Variants in PTTG1IP observed in about 807,000 individuals in gnomAD.
PTTG1IP encodes the protein pituitary tumor-transforming gene 1 protein-interacting protein.
Under a neutral mutation model 24.4 loss-of-function variants are expected in PTTG1IP, and 16 were observed. The observed-to-expected ratio is 0.66, with a 90% CI of 0.44 to 1.00. The LOEUF (loss-of-function observed/expected upper bound fraction) is 1.00, where lower values mean the gene tolerates loss of function less well. Ranked by LOEUF, PTTG1IP falls within the 50% of genes least tolerant of loss-of-function variation. The probability of loss-of-function intolerance (pLI) is 0.00; values close to 1 mark genes in which losing one functional copy is unlikely to be tolerated. For missense variants in PTTG1IP, 241 were observed against 245.8 expected (o/e 0.98, Z 0.13); for synonymous variants, 89 against 96.8 (o/e 0.92, Z 0.47).
chr21:44,856,223 C>G lies in PTTG1IP; in HGVS notation c.419G>C (p.Arg140Pro). ...CTCCTGCCGTATCCGCCTCTCCTCC[C>G]GCTCACGCATGGCCTTCTCCTCACT... Reference protein sequence around the residue: ...DRSEEKAMREREERRIRQEER... With the variant: ...DRSEEKAMREPEERRIRQEER... The change falls in exon 4 of 6, where the codon CGG becomes CCG. Residue 140 changes from arginine to proline, a missense_variant. Coordinates refer to ENST00000330938, the MANE Select transcript of PTTG1IP (RefSeq NM_004339.4). 6.2e-7 allele frequency: 1 copy of G among 1,614,176 alleles called. No homozygotes were observed. The highest frequency in any genetic ancestry group is 8.5e-7 in the Non-Finnish European group (1 of 1,180,018).
In PTTG1IP at chr21:44,861,174, C is replaced by T. The variant is rs2083488973; in HGVS notation, c.266G>A (p.Gly89Glu). 6.2e-7 allele frequency: 1 copy of T among 1,612,690 alleles called. No individual in the cohort carries two copies. Among genetic ancestry groups the T allele is most frequent in the African/African-American group, 1.3e-5 (1 of 74,918 alleles). Reference protein sequence around the residue: ...SLCKLSSARWGVCWVNFEALI... With the variant: ...SLCKLSSARWEVCWVNFEALI... ...AAACAATGACTTACCCCAACAAACT[C>T]CCCAGCGTGCAGAGCTCAATTTACA... The change falls in exon 3 of 6, where the codon GGA becomes GAA. Residue 89 changes from glycine (G) to glutamate (E), a missense_variant. By Grantham distance (98) the Gly-to-Glu change is moderately conservative (BLOSUM62 -2). Coordinates refer to ENST00000330938, the MANE Select transcript of PTTG1IP (RefSeq NM_004339.4).
Position 44,851,435 on chromosome 21 carries a change from G to A in PTTG1IP, c.*146C>T. 6.3e-7 allele frequency: 1 copy of A among 1,599,382 alleles called. No homozygotes were observed. The highest frequency in any genetic ancestry group is 8.5e-7 in the Non-Finnish European group (1 of 1,175,974). ...AAGACGAGAGGACTGTCCTTCAGGG[G>A]CAGCTCTCCGGCCGCCTGTCCTGGA... On this transcript the variant is annotated 3_prime_UTR_variant, in exon 6 of 6. Transcript: ENST00000330938.
Position 44,851,521 on chromosome 21 carries a change from G to A in PTTG1IP, c.*60C>T. The A allele has an allele frequency of 1.2e-6, 2 of 1,613,988 alleles. No individual in the cohort carries two copies. Among genetic ancestry groups the A allele is most frequent in the Non-Finnish European group, 1.7e-6 (2 of 1,179,912 alleles). On this transcript the variant is annotated 3_prime_UTR_variant, in exon 6 of 6. Coordinates refer to ENST00000330938, the MANE Select transcript of PTTG1IP (RefSeq NM_004339.4). ...GCAATGGCCACGTGGTCTCCCGGCTGGGCTGGGCTGCGGAGCGTGCACCTC... is the reference window on the plus strand; with the variant it reads ...GCAATGGCCACGTGGTCTCCCGGCTAGGCTGGGCTGCGGAGCGTGCACCTC...
At chr21:44,868,357 A>C (rs999194522) in intron 1 of PTTG1IP, among the ~76,000 whole-genome samples, 1 of 152,216 alleles carries the variant, frequency 6.6e-6, no homozygotes, top group East Asian at 1.9e-4. Context: ...CTGTCTGCTG[A>C]AAGGGCCTAG....
rs149247797 is a variant in PTTG1IP, at chr21:44,866,635, AAC to A, written c.116-1190_116-1189del. ...AGACTGCGTACTCCCCCAATCCCGT[AAC>A]ACACACACACACACACACACAGACT... On this transcript the variant is annotated intron_variant, in intron 1 of 5. Coordinates refer to ENST00000330938, the MANE Select transcript of PTTG1IP (RefSeq NM_004339.4). 7.4e-3 allele frequency among the ~76,000 whole-genome samples: 809 copies of A among 109,406 alleles called. 7 individuals carry two copies. Among genetic ancestry groups the A allele is most frequent in the East Asian group, 0.026 (92 of 3,570 alleles). 71.8% of individuals were successfully genotyped at this position (109,406 alleles called of 152,430 possible).
intron 2 of PTTG1IP, among the ~76,000 whole-genome samples, chr21:44,863,192 AGCCC>A (rs750646748): frequency 0.065 from 9,291 of 143,930 alleles, 1,094 homozygotes; most frequent in East Asian, 0.27. Flanking sequence ...GCAGAGACAC[AGCCC>A]ACCACGGCCT....
chr21:44,863,142 GGCCTCAGCAGCAGAGACACAGCCCA>G (rs2083506481), intron 2 of PTTG1IP, among the ~76,000 whole-genome samples: 1 of 106,374 alleles, frequency 9.4e-6, no homozygotes, highest in African/African-American at 4.0e-5. Flanking sequence ...AGCCCACCAC[GGCCTCAGCAGCAGAGACACAGCCCA>G]CCACGGCCTC....
chr21:44,863,971 C>T lies in PTTG1IP; in HGVS notation c.168+1424G>A, dbSNP rs534970952. ...ATCTTTCCCGGCCTCCTCAAACCTACGCTACGGTCTCGTGGAGGAAGAAGA... is the reference window on the plus strand; with the variant it reads ...ATCTTTCCCGGCCTCCTCAAACCTATGCTACGGTCTCGTGGAGGAAGAAGA... On this transcript the variant is annotated intron_variant, in intron 2 of 5. Transcript: ENST00000330938. 4.6e-5 allele frequency among the ~76,000 whole-genome samples: 7 copies of T among 151,086 alleles called. No individual in the cohort carries two copies. The East Asian group carries it at 5.8e-4, about 12-fold the overall frequency.
At chr21:44,872,352 A>G (rs188870469) in intron 1 of PTTG1IP, among the ~76,000 whole-genome samples, 1 of 152,346 alleles carries the variant, frequency 6.6e-6, no homozygotes, top group Non-Finnish European at 1.5e-5. Flanking sequence ...AACATTCCAT[A>G]AGGTCACAAA....
rs530238605 is a variant in PTTG1IP at position 44,855,477 on chromosome 21, C to T, written c.450-221G>A. On this transcript the variant is annotated intron_variant, in intron 4 of 5. Transcript: ENST00000330938. ...CGAACCCAGTCTTCAAAGGCCGTTC[C>T]AATGTATTACTCTACTCTTTTCAAT... is the stretch of plus-strand genomic sequence containing the variant. Among the ~76,000 whole-genome samples, 6 of 152,258 alleles carry T rather than the reference C, an allele frequency of 3.9e-5. No homozygotes were observed. In the East Asian group the frequency reaches 1.2e-3, roughly 29 times the overall value.
chr21:44,860,204 TAA>T (rs1365525718), intron 3 of PTTG1IP, among the ~76,000 whole-genome samples: 5 of 151,912 alleles, frequency 3.3e-5, no homozygotes, highest in Non-Finnish European at 7.4e-5. Flanking sequence ...CCGTCTCTAC[TAA>T]AAAATACAAG....
Position 44,851,452 on chromosome 21 carries a change from T to C in PTTG1IP, c.*129A>G. ...CTTCAGGGGCAGCTCTCCGGCCGCC[T>C]GTCCTGGAAGGCTGGCAGGTTCACT... On this transcript the variant is annotated 3_prime_UTR_variant, in exon 6 of 6. Coordinates refer to ENST00000330938, the MANE Select transcript of PTTG1IP (RefSeq NM_004339.4). 1 of 1,609,048 alleles carries C rather than the reference T, an allele frequency of 6.2e-7. No individual in the cohort carries two copies. Among genetic ancestry groups the C allele is most frequent in the East Asian group, 2.2e-5 (1 of 44,870 alleles).
chr21:44,855,804 C>T (rs1333382597), intron 4 of PTTG1IP, among the ~76,000 whole-genome samples: 3 of 152,158 alleles, frequency 2.0e-5, no homozygotes. Flanking sequence ...GCTGTGTCAC[C>T]AGGGAAAGGG....
At chr21:44,859,057 C>T (rs540869490) in intron 3 of PTTG1IP, among the ~76,000 whole-genome samples, 48 of 152,364 alleles carry the variant, frequency 3.2e-4, no homozygotes, top group African/African-American at 8.2e-4. Context: ...AACACAACAC[C>T]GCTCACAGCA....
At chr21:44,853,168 G>A (rs2083423145) in intron 5 of PTTG1IP, among the ~76,000 whole-genome samples, 3 of 152,038 alleles carry the variant, frequency 2.0e-5, no homozygotes, top group Non-Finnish European at 4.4e-5. Context: ...GTGTGCGTGT[G>A]TGCGCGTGTG....
At chr21:44,852,243 C>T (rs1383006999) in intron 5 of PTTG1IP, among the ~76,000 whole-genome samples, 1 of 151,588 alleles carries the variant, frequency 6.6e-6, no homozygotes, top group Non-Finnish European at 1.5e-5. Flanking sequence ...AGTGCAATGG[C>T]GCAGTCTCGG....
chr21:44,856,467 C>T, intron 3 of PTTG1IP, 103 bp from the exon 4 acceptor site: 2 of 1,325,086 alleles, frequency 1.5e-6, no homozygotes, highest in Non-Finnish European at 1.0e-6. Flanking sequence ...GACACAGGAG[C>T]ATAAGGAGGA....
chr21:44,855,243 T>TC lies in PTTG1IP; in HGVS notation c.462dup (p.Lys155GlufsTer5). ...TTTCTGATTTCATCATGTCTTGTCT[T>TC]CATCTCTGCTCTCCTAAAACACAGA... On this transcript the variant is annotated frameshift_variant, in exon 5 of 6. Transcript: ENST00000330938. LOFTEE classifies it high-confidence loss of function. 6.2e-7 allele frequency: 1 copy of TC among 1,612,238 alleles called. No individual in the cohort carries two copies. Among genetic ancestry groups the TC allele is most frequent in the Non-Finnish European group, 8.5e-7 (1 of 1,178,294 alleles).
Position 44,873,653 on chromosome 21 carries a change from C to G in PTTG1IP, c.-37G>C. 7.4e-7 allele frequency: 1 copy of G among 1,350,188 alleles called. No individual in the cohort carries two copies. 83.6% of individuals were successfully genotyped at this position (1,350,188 alleles called of 1,614,324 possible). On this transcript the variant is annotated 5_prime_UTR_variant, in exon 1 of 6. Coordinates refer to ENST00000330938, the MANE Select transcript of PTTG1IP (RefSeq NM_004339.4). ...CGCTCTATCAGTCAGTGGAGCGTTA[C>G]AACTCCGACTCCAGCACAAGCGGTC...
Sources: allele counts gnomAD v4.1 joint callset (sites outside exome capture counted in the v4.1 genomes callset), GRCh38; gene constraint gnomAD v4.1.1; transcripts MANE v1.5; gene names NCBI Gene and HGNC (gene_info 2026-07-23, HGNC 2026-07-21).